Variants in RERE observed in about 807,000 individuals in gnomAD.
RERE encodes arginine-glutamic acid dipeptide repeats protein.
RERE carries 40 observed loss-of-function variants against 146.1 expected under a neutral mutation model. That is an observed-to-expected ratio of 0.27 (90% confidence interval 0.21 to 0.36). RERE has a LOEUF of 0.36. Ranked by LOEUF, RERE falls within the 10% of genes least tolerant of loss-of-function variation. The pLI, the probability that RERE is intolerant of heterozygous loss-of-function variation, is 1.00. For synonymous variants in RERE, 1,003 were observed against 866.0 expected, an observed-to-expected ratio of 1.16 and a Z score of -2.78; for missense variants, 1,933 against 2,138.7, an observed-to-expected ratio of 0.90 and a Z score of 1.90.
chr1:8,526,011 C>T (rs1645565622), intron 7 of RERE: 1 of 1,281,602 alleles, frequency 7.8e-7, no homozygotes, highest in Non-Finnish European at 9.8e-7. Context: ...CCCTCATCCA[C>T]ACACTGTCTC....
At chr1:8,724,257 G>A (rs1639915610) in intron 1 of RERE, among the ~76,000 whole-genome samples, 1 of 151,188 alleles carries the variant, frequency 6.6e-6, no homozygotes, top group Admixed American at 6.6e-5. Context: ...CCTTCTTTGG[G>A]TTTCTGGCTC....
chr1:8,541,084 AGTCATTTTTTTT>A, intron 7 of RERE, 118 bp downstream of exon 7: 1 of 440,990 alleles, frequency 2.3e-6, no homozygotes, highest in Non-Finnish European at 4.0e-6. Flanking sequence ...AGGACTCTGG[AGTCATTTTTTTT>A]AAGTATGTTA....
chr1:8,718,071 T>G (rs1639795624), intron 1 of RERE, among the ~76,000 whole-genome samples: 1 of 152,224 alleles, frequency 6.6e-6, no homozygotes, highest in Admixed American at 6.5e-5. Flanking sequence ...AGACCATAAG[T>G]GCATGCAATT....
At chr1:8,679,050 T>C (rs1304034055) in intron 1 of RERE, among the ~76,000 whole-genome samples, 1 of 152,240 alleles carries the variant, frequency 6.6e-6, no homozygotes, top group Non-Finnish European at 1.5e-5. Flanking sequence ...GGCTAGCAGC[T>C]ACCACACTGG....
At chr1:8,399,891 G>A (rs1228321460) in intron 12 of RERE, among the ~76,000 whole-genome samples, 1 of 151,270 alleles carries the variant, frequency 6.6e-6, no homozygotes, top group Non-Finnish European at 1.5e-5. Flanking sequence ...TAGCCACTGT[G>A]AACAGCATTT....
intron 7 of RERE, 144 bp from the exon 8 acceptor site, chr1:8,508,819 G>A (rs1251996447): frequency 7.7e-6 from 5 of 645,918 alleles, no homozygotes; most frequent in Non-Finnish European, 1.4e-5. Flanking sequence ...CTAATGTTCT[G>A]TATACATACA....
intron 1 of RERE, among the ~76,000 whole-genome samples, chr1:8,811,462 T>C (rs1335196920): frequency 6.6e-6 from 1 of 151,930 alleles, no homozygotes; most frequent in Non-Finnish European, 1.5e-5. Flanking sequence ...ATTAGCCAGG[T>C]GTAGTGGTAC....
chr1:8,391,187 C>G (rs964722255), intron 12 of RERE, among the ~76,000 whole-genome samples: 1 of 152,216 alleles, frequency 6.6e-6, no homozygotes, highest in African/African-American at 2.4e-5. Context: ...AAAACTCTAG[C>G]AAGGTGTTCA....
At chr1:8,785,701 A>G (rs916788856) in intron 1 of RERE, among the ~76,000 whole-genome samples, 22 of 152,102 alleles carry the variant, frequency 1.4e-4, no homozygotes, top group Non-Finnish European at 2.6e-4. Flanking sequence ...GGCTCACTGC[A>G]ACCTCCGCCT....
At chr1:8,725,670 A>G (rs765764714) in intron 1 of RERE, among the ~76,000 whole-genome samples, 19 of 152,190 alleles carry the variant, frequency 1.2e-4, no homozygotes, top group Non-Finnish European at 2.4e-4. Context: ...TGTAAAGCCT[A>G]AGACCCTAAG....
chr1:8,679,562 T>C (rs996851250), intron 1 of RERE, among the ~76,000 whole-genome samples: 1 of 152,168 alleles, frequency 6.6e-6, no homozygotes, highest in Admixed American at 6.5e-5. Flanking sequence ...CTAGAGTCTC[T>C]GGCAGACAGG....
chr1:8,428,234 C>T (rs1190098684), intron 11 of RERE, among the ~76,000 whole-genome samples: 3 of 152,188 alleles, frequency 2.0e-5, no homozygotes, highest in Non-Finnish European at 4.4e-5. Context: ...TTATGCTCCC[C>T]AGCTCATAGC....
At chr1:8,617,966 CTTGT>C (rs143988267) in intron 3 of RERE, among the ~76,000 whole-genome samples, 2,302 of 152,250 alleles carry the variant, frequency 0.015, 58 homozygotes, top group African/African-American at 0.053. Flanking sequence ...ACTTCTTTGG[CTTGT>C]TTAAGAGAAT....
At chr1:8,558,529 G>A (rs1167498260) in intron 4 of RERE, among the ~76,000 whole-genome samples, 3 of 152,162 alleles carry the variant, frequency 2.0e-5, no homozygotes, top group African/African-American at 7.2e-5. Context: ...TAATGAATGA[G>A]AGCTAAAATT....
intron 1 of RERE, among the ~76,000 whole-genome samples, chr1:8,778,698 T>C (rs866939881): frequency 3.3e-5 from 5 of 152,020 alleles, no homozygotes; most frequent in Admixed American, 6.6e-5. Context: ...TACTCAGTTG[T>C]GGTGGCATGT....
intron 12 of RERE, among the ~76,000 whole-genome samples, chr1:8,389,804 C>T (rs1237126283): frequency 6.6e-6 from 1 of 152,190 alleles, no homozygotes; most frequent in Non-Finnish European, 1.5e-5. Flanking sequence ...GTTTTGTATA[C>T]ATTAATAGTT....
chr1:8,405,293 G>A (rs1193031617), intron 12 of RERE, among the ~76,000 whole-genome samples: 2 of 152,114 alleles, frequency 1.3e-5, no homozygotes, highest in Non-Finnish European at 2.9e-5. Flanking sequence ...ACTGCCCCCA[G>A]ATAAGACAAA....
At position 8,500,479 on chromosome 1, in the gene RERE, T is replaced by A. The variant is rs113053703; in HGVS notation, c.880-2950A>T. Among the ~76,000 whole-genome samples the A allele has an allele frequency of 2.4e-3, 360 of 151,850 alleles. 2 individuals carry two copies. The highest frequency in any genetic ancestry group is 8.3e-3 in the African/African-American group (343 of 41,420). On this transcript the variant is annotated intron_variant, in intron 8 of 22. Coordinates refer to ENST00000400908, the MANE Select transcript of RERE (RefSeq NM_001042681.2). ...CGCCAGCCTCGGCCTCCCGAGGTGCTGGGATTGCAGACGGAGTCTCGTTCA... is the reference window on the plus strand; with the variant it reads ...CGCCAGCCTCGGCCTCCCGAGGTGCAGGGATTGCAGACGGAGTCTCGTTCA...
At chr1:8,627,489 C>G (rs1270037626) in intron 2 of RERE, among the ~76,000 whole-genome samples, 1 of 151,700 alleles carries the variant, frequency 6.6e-6, no homozygotes, top group Non-Finnish European at 1.5e-5. Context: ...GTAATCCCAG[C>G]TACTCAGGAC....
Sources: gnomAD v4.1 joint callset for allele counts (sites outside exome capture counted in the v4.1 genomes callset) on GRCh38, gnomAD v4.1.1 for gene constraint, MANE v1.5 for transcripts, NCBI Gene and HGNC (gene_info 2026-07-23, HGNC 2026-07-21) for gene names.